The following PM20D2 variants were observed in gnomAD, a reference collection of about 807,000 sequenced individuals.
PM20D2 encodes the protein xaa-Arg dipeptidase.
PM20D2 carries 33 observed loss-of-function variants against 42.9 expected under a neutral mutation model. The observed-to-expected ratio is 0.77, with a 90% CI of 0.58 to 1.03. The LOEUF (loss-of-function observed/expected upper bound fraction) is 1.03, where lower values mean the gene tolerates loss of function less well. Among genes scored for constraint, PM20D2 ranks in the 50% least tolerant of loss-of-function variants. The probability of loss-of-function intolerance (pLI) is 0.00; values close to 1 mark genes in which losing one functional copy is unlikely to be tolerated. For missense variants in PM20D2, 548 were observed against 557.0 expected (o/e 0.98, Z 0.16); for synonymous variants, 250 against 228.2 (o/e 1.10, Z -0.86).
the PM20D2 span, among the ~76,000 whole-genome samples, chr6:89,116,704 G>A: frequency 2.6e-5 from 4 of 151,786 alleles, no homozygotes; most frequent in East Asian, 5.8e-4. Context: ...GAACCCGGGA[G>A]GCAGAGGTTG....
intron 2 of PM20D2, 40 bp from the exon 3 acceptor site, chr6:89,153,003 T>C: frequency 6.6e-7 from 1 of 1,513,554 alleles, no homozygotes; most frequent in Non-Finnish European, 9.0e-7. Context: ...ACTTTAGCAA[T>C]AATAACAAAA....
the PM20D2 span, among the ~76,000 whole-genome samples, chr6:89,111,009 G>A: frequency 1.3e-5 from 2 of 152,084 alleles, no homozygotes; most frequent in African/African-American, 4.8e-5. Flanking sequence ...CTACTTAGGA[G>A]GCTGAGGAAG....
the PM20D2 span, among the ~76,000 whole-genome samples, chr6:89,126,845 G>A: frequency 1.3e-5 from 2 of 151,964 alleles, no homozygotes; most frequent in Non-Finnish European, 2.9e-5. Flanking sequence ...ATGCTTGAGG[G>A]AAAAATGTAC....
chr6:89,148,520 A>G lies in PM20D2; in HGVS notation c.466-745A>G, dbSNP rs987477187. On this transcript the variant is annotated intron_variant, in intron 1 of 6. Coordinates refer to ENST00000275072, the MANE Select transcript of PM20D2 (RefSeq NM_001010853.3). Reference sequence around the variant, plus strand: ...ATTCTGTAAAGTTCTCTTTTGTTTAATTAGGTGTTTGGTGACCAATAAATC... The same window carrying G: ...ATTCTGTAAAGTTCTCTTTTGTTTAGTTAGGTGTTTGGTGACCAATAAATC... The G allele has an allele frequency of 1.5e-5, 15 of 979,776 alleles. No homozygotes were observed. In the African/African-American group the frequency reaches 2.5e-4, roughly 16 times the overall value. 60.7% of individuals were successfully genotyped at this position (979,776 alleles called of 1,614,324 possible).
the PM20D2 span, among the ~76,000 whole-genome samples, chr6:89,119,028 C>T: frequency 1.3e-5 from 2 of 152,182 alleles, no homozygotes; most frequent in African/African-American, 2.4e-5. Flanking sequence ...TGCCCCTTTT[C>T]GCTCGCAGAA....
intron 5 of PM20D2, among the ~76,000 whole-genome samples, chr6:89,160,865 G>T (rs10944434): frequency 0.07 from 10,592 of 152,188 alleles, 1,104 homozygotes; most frequent in African/African-American, 0.22. Flanking sequence ...CAGAGATGAT[G>T]CAGGGATAGC....
At chr6:89,136,332 C>A in the PM20D2 span, among the ~76,000 whole-genome samples, 4 of 151,348 alleles carry the variant, frequency 2.6e-5, no homozygotes, top group East Asian at 3.9e-4. Flanking sequence ...TATGTTAATA[C>A]GCAAAATATT....
intron 2 of PM20D2, among the ~76,000 whole-genome samples, chr6:89,150,120 C>G (rs1044427469): frequency 6.6e-6 from 1 of 152,202 alleles, no homozygotes; most frequent in Admixed American, 6.5e-5. Flanking sequence ...TCAGAAGTAG[C>G]TCGGTACTGA....
intron 3 of PM20D2, 70 bp from the exon 4 acceptor site, chr6:89,154,678 T>G (rs1365340398): frequency 1.7e-6 from 2 of 1,154,534 alleles, no homozygotes; most frequent in Admixed American, 5.8e-5. Context: ...GCTGAAAAAC[T>G]TAATGGGTGT....
At chr6:89,124,151 A>C in the PM20D2 span, among the ~76,000 whole-genome samples, 1 of 152,218 alleles carries the variant, frequency 6.6e-6, no homozygotes, top group Non-Finnish European at 1.5e-5. Context: ...CAATATAGAG[A>C]TGTTGAAGAC....
At chr6:89,136,190 A>G in the PM20D2 span, among the ~76,000 whole-genome samples, 1 of 151,236 alleles carries the variant, frequency 6.6e-6, no homozygotes, top group Non-Finnish European at 1.5e-5. Flanking sequence ...TTCAGTGTCA[A>G]ACTGTGAGGT....
At chr6:89,107,770 C>T in the PM20D2 span, among the ~76,000 whole-genome samples, 1 of 151,932 alleles carries the variant, frequency 6.6e-6, no homozygotes, top group Non-Finnish European at 1.5e-5. Context: ...AAAAACCTCC[C>T]TAGATTCTCA....
rs1264840934 is a variant in PM20D2 at position 89,163,858 on chromosome 6, A to G, written c.*1595A>G. 1 of 152,166 alleles carries G rather than the reference A, an allele frequency of 6.6e-6. No homozygotes were observed. The highest frequency in any genetic ancestry group is 1.9e-4 in the East Asian group (1 of 5,198). 9.4% of individuals were successfully genotyped at this position (152,166 alleles called of 1,614,324 possible). Reference sequence around the variant, plus strand: ...TTTTCTCAAATACCAACTCTTGGCTATGTTAAATTTGTAGACTTTAAAAGA... The same window carrying G: ...TTTTCTCAAATACCAACTCTTGGCTGTGTTAAATTTGTAGACTTTAAAAGA... On this transcript the variant is annotated 3_prime_UTR_variant, in exon 7 of 7. Transcript: ENST00000275072.
chr6:89,150,936 C>T (rs1371847803), intron 2 of PM20D2, among the ~76,000 whole-genome samples: 2 of 151,490 alleles, frequency 1.3e-5, no homozygotes, highest in African/African-American at 2.4e-5. Context: ...GGTGGATCAC[C>T]TGAGGTTAGG....
At chr6:89,106,164 A>G in the PM20D2 span, among the ~76,000 whole-genome samples, 53 of 152,188 alleles carry the variant, frequency 3.5e-4, no homozygotes, top group African/African-American at 1.3e-3. Context: ...CTTGTCACCC[A>G]GGCTGGAGTG....
At chr6:89,154,548 TATC>T (rs1385425607) in intron 3 of PM20D2, among the ~76,000 whole-genome samples, 197 bp from the exon 4 acceptor site, 1 of 152,236 alleles carries the variant, frequency 6.6e-6, no homozygotes, top group Non-Finnish European at 1.5e-5. Context: ...TATTTTTTCT[TATC>T]AGCCAAAAAA....
intron 4 of PM20D2, among the ~76,000 whole-genome samples, chr6:89,155,401 C>T (rs555229854): frequency 6.6e-6 from 1 of 151,438 alleles, no homozygotes; most frequent in Non-Finnish European, 1.5e-5. Context: ...CTGCCTCCCA[C>T]CTCAGCCAGC....
the PM20D2 span, chr6:89,095,996 T>C: frequency 6.6e-6 from 1 of 152,270 alleles, no homozygotes; most frequent in East Asian, 1.9e-4. Flanking sequence ...AAACAAAGTA[T>C]CTCTCTTAAA....
At chr6:89,149,835 T>C (rs1002651674) in intron 2 of PM20D2, among the ~76,000 whole-genome samples, 10 of 152,212 alleles carry the variant, frequency 6.6e-5, no homozygotes, top group Non-Finnish European at 1.0e-4. Flanking sequence ...GCAAAGAGGA[T>C]AAATTATGTC....
Sources: allele counts gnomAD v4.1 joint callset (sites outside exome capture counted in the v4.1 genomes callset), GRCh38; gene constraint gnomAD v4.1.1; transcripts MANE v1.5; gene names NCBI Gene and HGNC (gene_info 2026-07-23, HGNC 2026-07-21).